Variants in SGCZ observed in about 807,000 individuals in gnomAD.
SGCZ encodes the protein sarcoglycan zeta.
In SGCZ, 40 loss-of-function variants were observed where a neutral mutation model predicts 41.3. The observed-to-expected ratio is 0.97, with a 90% confidence interval of 0.75 to 1.26. The LOEUF is 1.26. Among genes scored for constraint, SGCZ ranks in the 50% most tolerant of loss-of-function variants. The pLI is 0.00. For synonymous variants in SGCZ, 206 were observed against 137.5 expected (o/e 1.50, Z -3.49); for missense variants, 552 against 369.8 (o/e 1.49, Z -4.04).
intron 1 of SGCZ, among the ~76,000 whole-genome samples, chr8:14,659,490 A>G (rs939704734): frequency 1.3e-5 from 2 of 152,192 alleles, no homozygotes; most frequent in African/African-American, 4.8e-5. Context: ...GTATTTGTTA[A>G]TAATAAAACA....
At chr8:14,605,425 T>C (rs1413864851) in intron 1 of SGCZ, among the ~76,000 whole-genome samples, 1 of 152,148 alleles carries the variant, frequency 6.6e-6, no homozygotes, top group Non-Finnish European at 1.5e-5. Context: ...TTACACTCTT[T>C]TAGTTACTTT....
At chr8:14,607,777 A>T (rs1023864940) in intron 1 of SGCZ, among the ~76,000 whole-genome samples, 13 of 152,226 alleles carry the variant, frequency 8.5e-5, no homozygotes, top group African/African-American at 2.9e-4. Context: ...CTGGATAATT[A>T]TGTTAACACT....
chr8:14,952,386 G>C (rs999721678), intron 1 of SGCZ, among the ~76,000 whole-genome samples: 4 of 151,940 alleles, frequency 2.6e-5, no homozygotes, highest in African/African-American at 9.7e-5. Context: ...ACCCACATAG[G>C]TCTGTTACAT....
chr8:14,192,519 C>T (rs1404861258), intron 4 of SGCZ, among the ~76,000 whole-genome samples: 1 of 151,840 alleles, frequency 6.6e-6, no homozygotes, highest in Non-Finnish European at 1.5e-5. Context: ...CTTACCCATA[C>T]AATAACTCTG....
chr8:14,458,198 G>C (rs573735724), intron 2 of SGCZ, among the ~76,000 whole-genome samples: 1 of 151,946 alleles, frequency 6.6e-6, no homozygotes, highest in African/African-American at 2.4e-5. Flanking sequence ...ACAATGTGTG[G>C]GGAATAAAAA....
At chr8:14,492,799 G>C (rs1454568864) in intron 2 of SGCZ, among the ~76,000 whole-genome samples, 1 of 151,512 alleles carries the variant, frequency 6.6e-6, no homozygotes, top group Non-Finnish European at 1.5e-5. Flanking sequence ...TATTCTTCCT[G>C]TGTTCCTATG....
At position 15,177,910 on chromosome 8, in the gene SGCZ, T is replaced by C. The variant is rs1200646884; in HGVS notation, c.39+59675A>G. ...CAGCCTAAAGTTCAGCCTCCTGATATACCCAGAACAGCCATTGCCCTGTAG... is the reference window on the plus strand; with the variant it reads ...CAGCCTAAAGTTCAGCCTCCTGATACACCCAGAACAGCCATTGCCCTGTAG... On this transcript the variant is annotated intron_variant, in intron 1 of 7. Transcript: ENST00000382080. Among the ~76,000 whole-genome samples, 6 of 152,248 alleles carry C rather than the reference T, an allele frequency of 3.9e-5. No homozygotes were observed. In the East Asian group the frequency reaches 1.2e-3, roughly 30 times the overall value.
intron 1 of SGCZ, among the ~76,000 whole-genome samples, chr8:14,967,958 T>A (rs1303960165): frequency 6.6e-6 from 1 of 152,158 alleles, no homozygotes; most frequent in African/African-American, 2.4e-5. Context: ...ACATATAAAG[T>A]GTTCAGTAAA....
At chr8:14,753,188 C>T (rs1050351255) in intron 1 of SGCZ, among the ~76,000 whole-genome samples, 8 of 152,130 alleles carry the variant, frequency 5.3e-5, no homozygotes, top group Non-Finnish European at 8.8e-5. Context: ...TTCTTCCCCA[C>T]CATTATCTCT....
intron 3 of SGCZ, among the ~76,000 whole-genome samples, chr8:14,254,760 G>C (rs1165312897): frequency 6.6e-6 from 1 of 151,524 alleles, no homozygotes; most frequent in East Asian, 1.9e-4. Flanking sequence ...TTTTTTTTCT[G>C]GAGGAGGAAT....
intron 1 of SGCZ, among the ~76,000 whole-genome samples, chr8:15,184,258 C>A (rs556695814): frequency 1.3e-5 from 2 of 152,214 alleles, no homozygotes; most frequent in East Asian, 3.9e-4. Context: ...ATAATAATTA[C>A]CTTATGCTTT....
At chr8:14,106,056 A>ATAAC (rs1219849967) in intron 6 of SGCZ, among the ~76,000 whole-genome samples, 1 of 152,206 alleles carries the variant, frequency 6.6e-6, no homozygotes. Context: ...TTCCTTTGTA[A>ATAAC]TAACTGCAGC....
At chr8:14,657,886 A>T (rs1168574198) in intron 1 of SGCZ, among the ~76,000 whole-genome samples, 2 of 152,184 alleles carry the variant, frequency 1.3e-5, no homozygotes, top group Non-Finnish European at 2.9e-5. Flanking sequence ...TTCTTATCCT[A>T]ATAAGAATCA....
At chr8:14,950,576 T>G (rs960823876) in intron 1 of SGCZ, among the ~76,000 whole-genome samples, 2 of 152,080 alleles carry the variant, frequency 1.3e-5, no homozygotes, top group Admixed American at 6.6e-5. Context: ...ATAAGTCAAG[T>G]GGGTTGTGTT....
intron 1 of SGCZ, among the ~76,000 whole-genome samples, chr8:14,674,530 T>G (rs1733582662): frequency 6.6e-6 from 1 of 152,206 alleles, no homozygotes; most frequent in Admixed American, 6.5e-5. Flanking sequence ...TAGTTTACAA[T>G]AAACCTATAT....
chr8:14,847,154 A>AAGAAGAAGT (rs1293859017), intron 1 of SGCZ, among the ~76,000 whole-genome samples: 4 of 150,586 alleles, frequency 2.7e-5, no homozygotes, highest in African/African-American at 9.8e-5. Flanking sequence ...GAAGAAGAAG[A>AAGAAGAAGT]AGAAGAAGAA....
chr8:14,339,621 G>T (rs1012723061), intron 2 of SGCZ, among the ~76,000 whole-genome samples: 1 of 152,080 alleles, frequency 6.6e-6, no homozygotes, highest in Admixed American at 6.5e-5. Context: ...TTAGGAGGTT[G>T]GTACTTGAAT....
At chr8:14,799,855 G>T (rs73533031) in intron 1 of SGCZ, among the ~76,000 whole-genome samples, 10,068 of 152,150 alleles carry the variant, frequency 0.066, 745 homozygotes, top group African/African-American at 0.18. Flanking sequence ...TTATAGCTAA[G>T]CATTGGCTTC....
chr8:14,696,490 A>C (rs1808968063), intron 1 of SGCZ, among the ~76,000 whole-genome samples: 1 of 152,162 alleles, frequency 6.6e-6, no homozygotes. Flanking sequence ...ATTGCAGAGC[A>C]AAAAGGATGC....
Sources: gnomAD v4.1 joint callset for allele counts (sites outside exome capture counted in the v4.1 genomes callset) on GRCh38, gnomAD v4.1.1 for gene constraint, MANE v1.5 for transcripts, NCBI Gene and HGNC (gene_info 2026-07-23, HGNC 2026-07-21) for gene names.